Variants in MAGI2 observed in about 807,000 individuals in gnomAD.
MAGI2 encodes membrane-associated guanylate kinase, WW and PDZ domain-containing protein 2.
A neutral mutation model predicts 133.3 loss-of-function variants in MAGI2; 35 were observed. The observed-to-expected ratio is 0.26, with a 90% CI of 0.20 to 0.35. The LOEUF (loss-of-function observed/expected upper bound fraction) is 0.35. MAGI2 is among the 10% of genes least tolerant of loss of function. The pLI is 1.00. For synonymous variants in MAGI2, 729 were observed against 710.6 expected (o/e 1.03, Z -0.41); for missense variants, 1,636 against 1,863.4 (o/e 0.88, Z 2.25).
intron 1 of MAGI2, among the ~76,000 whole-genome samples, chr7:79,440,130 C>T (rs1409499158): frequency 6.6e-6 from 1 of 151,846 alleles, no homozygotes; most frequent in East Asian, 1.9e-4. Context: ...CTGGGATCCC[C>T]TGGCTTTTCC....
At position 78,837,532 on chromosome 7, in the gene MAGI2, A is replaced by T. The variant is rs74577494; in HGVS notation, c.418+169558T>A. On this transcript the variant is annotated intron_variant, in intron 2 of 21. Coordinates refer to ENST00000354212, the MANE Select transcript of MAGI2 (RefSeq NM_012301.4). Reference sequence around the variant, plus strand: ...AAGCTTATTTGGAGACAAGTTCTCCATGGTATTCATCAGGTAATTAATTTC... The same window carrying T: ...AAGCTTATTTGGAGACAAGTTCTCCTTGGTATTCATCAGGTAATTAATTTC... Among the ~76,000 whole-genome samples the T allele has an allele frequency of 7.6e-3, 1,161 of 152,244 alleles. 16 individuals carry two copies. Among genetic ancestry groups the T allele is most frequent in the African/African-American group, 0.026 (1,067 of 41,570 alleles).
At chr7:78,710,745 T>C (rs1010532828) in intron 2 of MAGI2, among the ~76,000 whole-genome samples, 2 of 152,106 alleles carry the variant, frequency 1.3e-5, no homozygotes, top group African/African-American at 4.8e-5. Context: ...AGTCAAAAGA[T>C]ACAAAAACTC....
intron 1 of MAGI2, among the ~76,000 whole-genome samples, chr7:79,027,227 G>A (rs1809985789): frequency 6.6e-6 from 1 of 151,924 alleles, no homozygotes; most frequent in Non-Finnish European, 1.5e-5. Context: ...TTGTCAAAGA[G>A]CCATCTATAC....
chr7:78,639,834 C>G (rs888368810), intron 2 of MAGI2, among the ~76,000 whole-genome samples: 1 of 152,066 alleles, frequency 6.6e-6, no homozygotes, highest in Non-Finnish European at 1.5e-5. Flanking sequence ...CTGGCTCCCC[C>G]TCAAGAAACT....
At chr7:79,280,486 G>T (rs1481539591) in intron 1 of MAGI2, among the ~76,000 whole-genome samples, 2 of 152,114 alleles carry the variant, frequency 1.3e-5, no homozygotes, top group East Asian at 3.8e-4. Context: ...GAAGTTTTCG[G>T]AAGATTTTCC....
intron 1 of MAGI2, among the ~76,000 whole-genome samples, chr7:79,446,877 G>A (rs545871592): frequency 2.0e-4 from 31 of 152,210 alleles, no homozygotes; most frequent in Admixed American, 7.8e-4. Context: ...GCGTGAACCC[G>A]GGAGGCGGAG....
At position 79,065,657 on chromosome 7, in the gene MAGI2, G is replaced by A. The variant is rs146687844; in HGVS notation, c.302-58451C>T. ...TACATGTGCCATAGTGGTTTGCTGC[G>A]CCCATCAACCTGTCATCTACATTAA... On this transcript the variant is annotated intron_variant, in intron 1 of 21. Coordinates refer to ENST00000354212, the MANE Select transcript of MAGI2 (RefSeq NM_012301.4). Among the ~76,000 whole-genome samples the A allele has an allele frequency of 5.7e-3, 871 of 151,992 alleles. 8 individuals carry two copies. Among genetic ancestry groups the A allele is most frequent in the African/African-American group, 0.02 (812 of 41,488 alleles).
intron 2 of MAGI2, among the ~76,000 whole-genome samples, chr7:78,832,348 T>C (rs1351489293): frequency 6.6e-6 from 1 of 152,200 alleles, no homozygotes; most frequent in African/African-American, 2.4e-5. Flanking sequence ...CATGCAGTTT[T>C]TAAAGTAGGG....
chr7:79,391,321 T>C (rs1342771367), intron 1 of MAGI2, among the ~76,000 whole-genome samples: 1 of 151,542 alleles, frequency 6.6e-6, no homozygotes, highest in Admixed American at 6.6e-5. Context: ...ACTCTCATAA[T>C]AACAAAGATT....
intron 1 of MAGI2, among the ~76,000 whole-genome samples, chr7:79,156,862 A>G (rs1823827905): frequency 6.6e-6 from 1 of 152,076 alleles, no homozygotes. Flanking sequence ...AGGGCCTCAG[A>G]GAAGTCTCAG....
intron 2 of MAGI2, among the ~76,000 whole-genome samples, chr7:78,826,763 G>A (rs1031812935): frequency 6.6e-6 from 1 of 152,140 alleles, no homozygotes; most frequent in Non-Finnish European, 1.5e-5. Context: ...TGACGGAGGT[G>A]TGGGAAAAGG....
intron 9 of MAGI2, among the ~76,000 whole-genome samples, chr7:78,281,188 T>C (rs1338547177): frequency 1.3e-5 from 2 of 152,148 alleles, no homozygotes; most frequent in East Asian, 1.9e-4. Context: ...ATACATTTAA[T>C]AGGCATATTT....
chr7:78,315,031 G>T (rs1584841203), intron 9 of MAGI2, among the ~76,000 whole-genome samples: 2 of 152,110 alleles, frequency 1.3e-5, no homozygotes, highest in African/African-American at 4.8e-5. Flanking sequence ...TTGTAATTTT[G>T]TGGTTCACAA....
chr7:78,346,655 G>A (rs77302721), intron 7 of MAGI2, among the ~76,000 whole-genome samples: 18 of 152,272 alleles, frequency 1.2e-4, no homozygotes, highest in East Asian at 7.7e-4. Context: ...GGTATCAGAC[G>A]CAGAGTGGCT....
At chr7:78,518,007 A>G (rs1199432322) in intron 4 of MAGI2, 1 of 152,046 alleles carries the variant, frequency 6.6e-6, no homozygotes, top group East Asian at 1.9e-4. Context: ...AAAAGATGAA[A>G]AAAAAAAATA....
intron 1 of MAGI2, among the ~76,000 whole-genome samples, chr7:79,368,859 A>C (rs1214004061): frequency 2.7e-5 from 2 of 73,088 alleles, no homozygotes; most frequent in Non-Finnish European, 5.3e-5. Context: ...AAAAAAAAAA[A>C]AAAAAAAAAA....
chr7:79,045,086 T>C (rs1812049865), intron 1 of MAGI2, among the ~76,000 whole-genome samples: 1 of 152,200 alleles, frequency 6.6e-6, no homozygotes, highest in African/African-American at 2.4e-5. Context: ...CAGGAACACA[T>C]GGATGAATTT....
intron 2 of MAGI2, among the ~76,000 whole-genome samples, chr7:78,691,659 A>G (rs1005104008): frequency 6.6e-6 from 1 of 152,168 alleles, no homozygotes; most frequent in African/African-American, 2.4e-5. Flanking sequence ...TTAGTGAAAA[A>G]CTAGAGAAAT....
intron 6 of MAGI2, among the ~76,000 whole-genome samples, chr7:78,482,495 C>T (rs1380449683): frequency 6.6e-6 from 1 of 151,846 alleles, no homozygotes; most frequent in Non-Finnish European, 1.5e-5. Context: ...CTGGATACAA[C>T]CCACAAGTCC....
Sources: gnomAD v4.1 joint callset for allele counts (sites outside exome capture counted in the v4.1 genomes callset) on GRCh38, gnomAD v4.1.1 for gene constraint, MANE v1.5 for transcripts, NCBI Gene and HGNC (gene_info 2026-07-23, HGNC 2026-07-21) for gene names.